The following ACER1 variants were observed in gnomAD, a reference collection of about 807,000 sequenced individuals.
ACER1 encodes the protein alkaline ceramidase 1.
In ACER1, 28 loss-of-function variants were observed where a neutral mutation model predicts 24.9. The ratio of observed to expected loss-of-function variants is 1.13; its 90% confidence interval spans 0.83 to 1.54. ACER1 has a LOEUF of 1.54. Ranked by LOEUF, ACER1 falls within the 40% of genes most tolerant of loss-of-function variation. The probability of loss-of-function intolerance (pLI) is 0.00; values close to 1 mark genes in which losing one functional copy is unlikely to be tolerated. For missense variants in ACER1, 352 were observed against 349.3 expected (o/e 1.01, Z -0.06); for synonymous variants, 132 against 131.4 (o/e 1.00, Z -0.03).
At chr19:6,341,933 T>TG in the ACER1 span, among the ~76,000 whole-genome samples, 2 of 152,190 alleles carry the variant, frequency 1.3e-5, no homozygotes, top group African/African-American at 4.8e-5. Context: ...CCAGCAGTGT[T>TG]GGTTTTAATA....
chr19:6,328,911 G>A (rs759392680), intron 1 of ACER1, among the ~76,000 whole-genome samples: 95 of 151,786 alleles, frequency 6.3e-4, no homozygotes, highest in Non-Finnish European at 6.6e-4. Context: ...CTGAGCGCAA[G>A]TGATTGGCCC....
Position 6,309,850 on chromosome 19 carries a change from C to T in ACER1, c.351-16G>A. The T allele has an allele frequency of 1.2e-6, 2 of 1,613,696 alleles. No homozygotes were observed. The highest frequency in any genetic ancestry group is 1.7e-6 in the Non-Finnish European group (2 of 1,179,856). ...GAACTGGGACCTGGGGAGGAAGGGGCTCAGCTGTAGGCGGGAAGGGAGGTC... is the reference window on the plus strand; with the variant it reads ...GAACTGGGACCTGGGGAGGAAGGGGTTCAGCTGTAGGCGGGAAGGGAGGTC... On this transcript the variant is annotated splice_polypyrimidine_tract_variant and intron_variant, in intron 3 of 5. Coordinates refer to ENST00000301452, the MANE Select transcript of ACER1 (RefSeq NM_133492.3).
chr19:6,312,381 C>T lies in ACER1; in HGVS notation c.208+4G>A, dbSNP rs749068848. 1 of 1,613,984 alleles carries T rather than the reference C, an allele frequency of 6.2e-7. No individual in the cohort carries two copies. Among genetic ancestry groups the T allele is most frequent in the African/African-American group, 1.3e-5 (1 of 75,024 alleles). On this transcript the variant is annotated splice_donor_region_variant and intron_variant, in intron 2 of 5. Coordinates refer to ENST00000301452, the MANE Select transcript of ACER1 (RefSeq NM_133492.3). ...TGTCACAGACCTGAACCACACCTCC[C>T]TACCTATGATCATGAAGAGGACCCA... is the stretch of plus-strand genomic sequence containing the variant.
upstream of ACER1, among the ~76,000 whole-genome samples, chr19:6,336,432 GT>G (rs2091714408): frequency 6.6e-6 from 1 of 152,174 alleles, no homozygotes; most frequent in African/African-American, 2.4e-5. Context: ...TGATGCCTCA[GT>G]TTCCTCACCT....
chr19:6,316,419 C>G (rs2091603351), intron 1 of ACER1, among the ~76,000 whole-genome samples: 1 of 152,186 alleles, frequency 6.6e-6, no homozygotes, highest in African/African-American at 2.4e-5. Flanking sequence ...ACCTGGGTGA[C>G]AGAGTGAAAC....
the ACER1 span, among the ~76,000 whole-genome samples, chr19:6,348,953 G>C: frequency 6.6e-6 from 1 of 151,990 alleles, no homozygotes. Flanking sequence ...CTACTCCAGA[G>C]GCTGAGGCAG....
the ACER1 span, among the ~76,000 whole-genome samples, chr19:6,355,749 G>C: frequency 7.6e-6 from 1 of 132,430 alleles, no homozygotes; most frequent in Non-Finnish European, 1.6e-5. Flanking sequence ...GGAGGGAGGT[G>C]GGGGGGTCAG....
upstream of ACER1, chr19:6,333,730 C>G (rs773764385): frequency 4.1e-5 from 23 of 559,640 alleles, no homozygotes; most frequent in Non-Finnish European, 7.1e-5. Flanking sequence ...TGTGCAGTGA[C>G]AGCAGCCCTG....
intron 1 of ACER1, among the ~76,000 whole-genome samples, chr19:6,324,693 A>G (rs2145012232): frequency 6.6e-6 from 1 of 151,804 alleles, no homozygotes; most frequent in African/African-American, 2.4e-5. Flanking sequence ...TGAACCCGGG[A>G]GGCAGAGATT....
rs140988517 is a variant in ACER1, at chr19:6,327,958, C to T, written c.93+5501G>A. Reference sequence around the variant, plus strand: ...GGGCATGGTGGTGCTCATCTATAATCCCAGCTACTCGGGAGGTTGAGACAG... The same window carrying T: ...GGGCATGGTGGTGCTCATCTATAATTCCAGCTACTCGGGAGGTTGAGACAG... On this transcript the variant is annotated intron_variant, in intron 1 of 5. Transcript: ENST00000301452. 1.8e-3 allele frequency among the ~76,000 whole-genome samples: 278 copies of T among 151,796 alleles called. 1 individual carries two copies. The highest frequency in any genetic ancestry group is 6.5e-3 in the African/African-American group (269 of 41,374).
Position 6,309,720 on chromosome 19 carries a change from G to A in ACER1, c.465C>T (p.Tyr155=), listed in dbSNP as rs964953114. 2.5e-6 allele frequency: 4 copies of A among 1,613,936 alleles called. No homozygotes were observed. The African/African-American group carries it at 4.0e-5, about 16-fold the overall frequency. Residue 155 remains tyrosine (Y), a synonymous_variant, in exon 4 of 6, where the codon TAC becomes TAT. Transcript: ENST00000301452. ...ALNSIALHIL[Y]IVCQEYRKTS... ...ACTTCCTGTACTCCTGGCACACGATGTAGAGAATGTGCAGGGCAATGCTGT... is the reference window on the plus strand; with the variant it reads ...ACTTCCTGTACTCCTGGCACACGATATAGAGAATGTGCAGGGCAATGCTGT...
chr19:6,355,847 G>T, the ACER1 span, among the ~76,000 whole-genome samples: 431 of 145,604 alleles, frequency 3.0e-3, 5 homozygotes, highest in Admixed American at 4.1e-3. Flanking sequence ...GGAGGGAGGT[G>T]GGGGGGTCAG....
the ACER1 span, among the ~76,000 whole-genome samples, chr19:6,353,716 T>C: frequency 6.6e-6 from 1 of 151,478 alleles, no homozygotes; most frequent in African/African-American, 2.4e-5. Flanking sequence ...TCCCAGCTAC[T>C]TGGGAGGCTG....
chr19:6,312,512 G>A lies in ACER1; in HGVS notation c.94-13C>T, dbSNP rs2091587174. 6.2e-7 allele frequency: 1 copy of A among 1,605,480 alleles called. No homozygotes were observed. The highest frequency in any genetic ancestry group is 8.5e-7 in the Non-Finnish European group (1 of 1,172,460). ...GGATATTGGAGAACTGGAGCAGAGA[G>A]AGCCATAGGGAGGAGCTCGTCAGAT... On this transcript the variant is annotated splice_polypyrimidine_tract_variant and intron_variant, in intron 1 of 5. Coordinates refer to ENST00000301452, the MANE Select transcript of ACER1 (RefSeq NM_133492.3).
the ACER1 span, among the ~76,000 whole-genome samples, chr19:6,347,602 G>A: frequency 4.0e-5 from 6 of 151,782 alleles, no homozygotes; most frequent in East Asian, 2.0e-4. Context: ...TTGGGAGGCC[G>A]AAGTGGGTGG....
At chr19:6,344,884 G>T in the ACER1 span, among the ~76,000 whole-genome samples, 1 of 139,516 alleles carries the variant, frequency 7.2e-6, no homozygotes, top group African/African-American at 2.8e-5. Context: ...TTATTTTTTT[G>T]AGATGGAGTC....
intron 1 of ACER1, among the ~76,000 whole-genome samples, chr19:6,313,746 G>T (rs2091591703): frequency 6.6e-6 from 1 of 152,200 alleles, no homozygotes; most frequent in Admixed American, 6.5e-5. Flanking sequence ...GATACTGTGT[G>T]ACTTCTGAGG....
the ACER1 span, among the ~76,000 whole-genome samples, chr19:6,351,192 C>T: frequency 6.6e-6 from 1 of 151,428 alleles, no homozygotes; most frequent in Non-Finnish European, 1.5e-5. Context: ...TGATGAAGCC[C>T]CGTCTCTACT....
At chr19:6,311,643 A>AAGAAGG (rs1384707207) in intron 3 of ACER1, among the ~76,000 whole-genome samples, 1 of 148,214 alleles carries the variant, frequency 6.7e-6, no homozygotes, top group Non-Finnish European at 1.5e-5. Context: ...GAAGAAGAAG[A>AAGAAGG]AGAAGGAGAA....
Sources: gnomAD v4.1 joint callset for allele counts (sites outside exome capture counted in the v4.1 genomes callset) on GRCh38, gnomAD v4.1.1 for gene constraint, MANE v1.5 for transcripts, NCBI Gene and HGNC (gene_info 2026-07-23, HGNC 2026-07-21) for gene names.